The following SLC17A2 variants were observed in gnomAD, a reference collection of about 807,000 sequenced individuals.
The protein encoded by SLC17A2 is sodium-dependent phosphate transport protein 3.
In SLC17A2, 38 loss-of-function variants were observed where a neutral mutation model predicts 52.1. The observed-to-expected ratio is 0.73, with a 90% CI of 0.56 to 0.96. The LOEUF (loss-of-function observed/expected upper bound fraction) is 0.96. SLC17A2 is among the 40% of genes least tolerant of loss of function. SLC17A2 has a pLI of 0.00. For synonymous variants in SLC17A2, 226 were observed against 211.9 expected (o/e 1.07, Z -0.58); for missense variants, 508 against 583.9 (o/e 0.87, Z 1.34).
At chr6:25,914,724 C>G (rs1766237595) in intron 10 of SLC17A2, 54 bp from the exon 11 acceptor site, 2 of 1,108,440 alleles carry the variant, frequency 1.8e-6, no homozygotes, top group Non-Finnish European at 2.7e-6. Flanking sequence ...CCTACAGCTT[C>G]TGCAGCAACT....
At chr6:25,924,480 T>C (rs1354576385) in intron 2 of SLC17A2, among the ~76,000 whole-genome samples, 2 of 151,660 alleles carry the variant, frequency 1.3e-5, no homozygotes, top group Admixed American at 6.6e-5. Context: ...TATGTGTCAC[T>C]AGGTCCTGCC....
chr6:25,925,791 G>C lies in SLC17A2; in HGVS notation c.6C>G (p.Asp2Glu), dbSNP rs202135214. The change falls in exon 2 of 12, where the codon GAC (aspartate) becomes GAG (glutamate). Residue 2 changes from aspartate (D) to glutamate (E), a missense_variant. Physicochemically the swap from Asp to Glu is conservative, Grantham distance 45 (BLOSUM62 2). Transcript: ENST00000377850. Reference sequence around the variant, plus strand: ...TACCTTTCCTGGTGGCAGGCTTCCCGTCCATTTAGCTTCTGTGGGAAATGG... The same window carrying C: ...TACCTTTCCTGGTGGCAGGCTTCCCCTCCATTTAGCTTCTGTGGGAAATGG... M[D>E]GKPATRKGPD... 1.2e-6 allele frequency: 2 copies of C among 1,614,096 alleles called. No homozygotes were observed. Among genetic ancestry groups the C allele is most frequent in the South Asian group, 2.2e-5 (2 of 91,078 alleles).
chr6:25,922,169 C>G (rs1457282463), intron 3 of SLC17A2, among the ~76,000 whole-genome samples: 1 of 151,734 alleles, frequency 6.6e-6, no homozygotes, highest in Non-Finnish European at 1.5e-5. Context: ...CTCAAAAAAA[C>G]TATAAATAAT....
At position 25,915,562 on chromosome 6, in the gene SLC17A2, A is replaced by C; in HGVS notation, c.1148T>G (p.Ile383Ser). The change falls in exon 10 of 12, where the codon ATT (isoleucine) becomes AGT (serine). Residue 383 changes from isoleucine to serine, a missense_variant. Transcript: ENST00000377850. ...GTCACATAGGTTACTGGTCCCAGGA[A>C]TAAGTATCAGCAAAATAATGGTTAT... ...YVITIILLIL[I>S]PGTSNLCDSG... 1 of 1,598,974 alleles carries C rather than the reference A, an allele frequency of 6.3e-7. No homozygotes were observed. The highest frequency in any genetic ancestry group is 8.5e-7 in the Non-Finnish European group (1 of 1,172,654).
intron 5 of SLC17A2, 54 bp downstream of exon 5, chr6:25,920,952 G>A: frequency 6.7e-7 from 1 of 1,499,922 alleles, no homozygotes; most frequent in Non-Finnish European, 9.3e-7. Context: ...TAGAAGATAA[G>A]ACACAGTGGG....
rs537968416 is a variant in SLC17A2, at chr6:25,913,056, G to C, written c.*261C>G. 1.7e-4 allele frequency: 59 copies of C among 351,908 alleles called. No homozygotes were observed. Among genetic ancestry groups the C allele is most frequent in the African/African-American group, 1.1e-3 (54 of 48,470 alleles). The allele number at this position is 351,908 out of a possible 1,614,324, so 21.8% of individuals were successfully genotyped here. On this transcript the variant is annotated 3_prime_UTR_variant, in exon 12 of 12. Coordinates refer to ENST00000377850, the MANE Select transcript of SLC17A2 (RefSeq NM_001286123.3). ...ATTGACTTTTCAAGTTTGTCCAGCTGTTGTCAACCCCGGGCGCATGCTAGA... is the reference window on the plus strand; with the variant it reads ...ATTGACTTTTCAAGTTTGTCCAGCTCTTGTCAACCCCGGGCGCATGCTAGA...
At chr6:25,925,238 G>A (rs1766715931) in intron 2 of SLC17A2, among the ~76,000 whole-genome samples, 1 of 152,156 alleles carries the variant, frequency 6.6e-6, no homozygotes, top group Admixed American at 6.5e-5. Context: ...CCCGGGCCAG[G>A]CGTGGTGGCC....
intron 2 of SLC17A2, among the ~76,000 whole-genome samples, chr6:25,924,559 A>G (rs971517767): frequency 1.3e-5 from 2 of 152,020 alleles, no homozygotes; most frequent in Non-Finnish European, 2.9e-5. Context: ...CTGTAGTCCC[A>G]GCATTTTGGG....
At chr6:25,918,804 A>T (rs560541128) in intron 5 of SLC17A2, among the ~76,000 whole-genome samples, 74 of 152,354 alleles carry the variant, frequency 4.9e-4, no homozygotes, top group African/African-American at 1.6e-3. Context: ...CTCAACACCA[A>T]TGTGACCAAA....
At chr6:25,925,165 G>T (rs1373694298) in intron 2 of SLC17A2, among the ~76,000 whole-genome samples, 1 of 152,160 alleles carries the variant, frequency 6.6e-6, no homozygotes, top group Non-Finnish European at 1.5e-5. Context: ...AGGAGAAAGA[G>T]CCAGCCGCTT....
At position 25,915,537 on chromosome 6, in the gene SLC17A2, G is replaced by T; in HGVS notation, c.1173C>A (p.Asp391Glu). The T allele has an allele frequency of 6.4e-7, 1 of 1,569,540 alleles. No individual in the cohort carries two copies. Among genetic ancestry groups the T allele is most frequent in the Non-Finnish European group, 8.6e-7 (1 of 1,157,612 alleles). ...CTAAGGTGTTGATGATAAACCCTGA[G>T]TCACATAGGTTACTGGTCCCAGGAA... ...ILIPGTSNLC[D>E]SGFIINTLDI... is the part of the protein sequence containing the mutation. The change falls in exon 10 of 12, where the codon GAC becomes GAA. Residue 391 changes from aspartate to glutamate, a missense_variant. Physicochemically the swap from Asp to Glu is conservative, Grantham distance 45. Transcript: ENST00000377850.
intron 1 of SLC17A2, among the ~76,000 whole-genome samples, chr6:25,926,460 C>T (rs1251940861): frequency 6.6e-6 from 1 of 152,172 alleles, no homozygotes; most frequent in Non-Finnish European, 1.5e-5. Context: ...TGGACACTTG[C>T]TTGGACTGAC....
At chr6:25,914,434 G>A (rs1303950616) in intron 11 of SLC17A2, 146 bp downstream of exon 11, 5 of 619,198 alleles carry the variant, frequency 8.1e-6, no homozygotes, top group Non-Finnish European at 1.2e-5. Flanking sequence ...TTCTTCCTCT[G>A]GGAAATCTGA....
At chr6:25,924,103 T>C (rs529142536) in intron 2 of SLC17A2, among the ~76,000 whole-genome samples, 197 bp from the exon 3 acceptor site, 19 of 152,282 alleles carry the variant, frequency 1.2e-4, no homozygotes, top group Non-Finnish European at 2.4e-4. Context: ...TATGGGATCT[T>C]ATAACCAAGT....
In SLC17A2 at chr6:25,915,494, C is replaced by A; in HGVS notation, c.1211+5G>T. On this transcript the variant is annotated splice_donor_5th_base_variant and intron_variant, in intron 10 of 11. Coordinates refer to ENST00000377850, the MANE Select transcript of SLC17A2 (RefSeq NM_001286123.3). ...AGGAGGGGAAAAAACAGGTAGAGCT[C>A]TTACCTGGGGGCGATATCTAAGGTG... The A allele has an allele frequency of 1.3e-6, 2 of 1,548,864 alleles. No individual in the cohort carries two copies.
At chr6:25,922,785 A>G (rs1766605401) in intron 3 of SLC17A2, among the ~76,000 whole-genome samples, 1 of 152,170 alleles carries the variant, frequency 6.6e-6, no homozygotes, top group African/African-American at 2.4e-5. Context: ...TACAACAAAG[A>G]TTTTATTTAA....
chr6:25,915,368 G>T, intron 10 of SLC17A2, 131 bp downstream of exon 10: 1 of 809,400 alleles, frequency 1.2e-6, no homozygotes, highest in Non-Finnish European at 1.9e-6. Flanking sequence ...GCCACAGACA[G>T]ATATTTGTAG....
At chr6:25,918,405 A>G in intron 6 of SLC17A2, 82 bp downstream of exon 6, 2 of 823,790 alleles carry the variant, frequency 2.4e-6, no homozygotes, top group Non-Finnish European at 4.2e-6. Context: ...TTTCTTTCAT[A>G]TAGGAAGAAT....
chr6:25,916,954 A>G lies in SLC17A2; in HGVS notation c.768+15T>C. ...GACCTCTGCATGGGCCACAGGTACA[A>G]GGTGTGCACTGTACCTGTTGAGCCA... On this transcript the variant is annotated intron_variant, in intron 7 of 11. Transcript: ENST00000377850. 1.9e-6 allele frequency: 3 copies of G among 1,594,840 alleles called. No individual in the cohort carries two copies. The highest frequency in any genetic ancestry group is 2.6e-6 in the Non-Finnish European group (3 of 1,165,266).
Sources: gnomAD v4.1 joint callset for allele counts (sites outside exome capture counted in the v4.1 genomes callset) on GRCh38, gnomAD v4.1.1 for gene constraint, MANE v1.5 for transcripts, NCBI Gene and HGNC (gene_info 2026-07-23, HGNC 2026-07-21) for gene names.